The following CDC42BPA variants were observed in gnomAD, a reference collection of about 807,000 sequenced individuals.
The protein encoded by CDC42BPA is CDC42 binding protein kinase alpha.
Under a neutral mutation model 223.5 loss-of-function variants are expected in CDC42BPA, and 80 were observed. That is an observed-to-expected ratio of 0.36 (90% CI 0.30 to 0.43). CDC42BPA has a LOEUF of 0.43. Among genes scored for constraint, CDC42BPA ranks in the 20% least tolerant of loss-of-function variants. The pLI is 1.00. For missense variants in CDC42BPA, 1,743 were observed against 2,099.9 expected (o/e 0.83, Z 3.32); for synonymous variants, 694 against 718.6 (o/e 0.97, Z 0.55).
intron 1 of CDC42BPA, among the ~76,000 whole-genome samples, chr1:227,278,351 A>C (rs1198418375): frequency 6.6e-6 from 1 of 152,106 alleles, no homozygotes; most frequent in African/African-American, 2.4e-5. Flanking sequence ...CAAAACCTGG[A>C]ATTTATGAAA....
intron 6 of CDC42BPA, among the ~76,000 whole-genome samples, chr1:227,148,771 G>GAAAAA (rs1491285386): frequency 0.049 from 378 of 7,700 alleles, 26 homozygotes; most frequent in Admixed American, 0.069. Flanking sequence ...GGTCTCAAAA[G>GAAAAA]CAAAAAAAAA....
Position 227,230,816 on chromosome 1 carries a change from C to CTTTTTTTTTTT in CDC42BPA, c.271-17598_271-17597insAAAAAAAAAAA, listed in dbSNP as rs34787332. Among the ~76,000 whole-genome samples the CTTTTTTTTTTT allele has an allele frequency of 2.5e-3, 135 of 54,028 alleles. 6 individuals are homozygous for CTTTTTTTTTTT. The highest frequency in any genetic ancestry group is 4.0e-3 in the African/African-American group (63 of 15,656). The allele number at this position is 54,028 out of a possible 152,430, so 35.4% of individuals were successfully genotyped here. A position where few individuals can be genotyped will look rare whatever the true frequency, so the allele number is the denominator to read the frequency against. ...ACTGATTTCTATTTCTTTTTTCTTTCTTTCTTTTTTTTTTTTTTTTTTTGA... is the reference window on the plus strand; with the variant it reads ...ACTGATTTCTATTTCTTTTTTCTTTCTTTTTTTTTTTTTTCTTTTTTTTTTTTTTTTTTTGA... On this transcript the variant is annotated intron_variant, in intron 2 of 36. Coordinates refer to ENST00000366766, the MANE Select transcript of CDC42BPA (RefSeq NM_001394014.1).
At chr1:227,037,700 T>G (rs974661496) in intron 24 of CDC42BPA, among the ~76,000 whole-genome samples, 2 of 152,208 alleles carry the variant, frequency 1.3e-5, no homozygotes, top group Non-Finnish European at 2.9e-5. Flanking sequence ...GTATTAGAAT[T>G]TGAGTTAGCA....
intron 2 of CDC42BPA, chr1:227,219,431 A>G (rs1291955009): frequency 6.6e-6 from 1 of 152,204 alleles, no homozygotes; most frequent in East Asian, 1.9e-4. Flanking sequence ...CTGAAAGCAA[A>G]AAGGAAAACC....
At position 227,017,017 on chromosome 1, in the gene CDC42BPA, T is replaced by C. The variant is rs1404302553; in HGVS notation, c.4649A>G (p.Asp1550Gly). Residue 1550 changes from aspartate (D) to glycine (G), a missense_variant, in exon 33 of 37, where the codon GAT becomes GGT. Transcript: ENST00000366766. ...TCTAACCATTTGTTTCCGACTATTA[T>C]CTGATGTTTCAGGTACTACCAGTTC... The part of the protein sequence containing the change: ...GDELVVPETS[D>G]NSRKQMVRNI... 18 of 1,613,126 alleles carry C rather than the reference T, an allele frequency of 1.1e-5. No individual in the cohort carries two copies. The highest frequency in any genetic ancestry group is 1.4e-5 in the Non-Finnish European group (17 of 1,179,292).
intron 2 of CDC42BPA, among the ~76,000 whole-genome samples, chr1:227,252,130 AG>A (rs1178307180): frequency 6.6e-6 from 1 of 152,142 alleles, no homozygotes; most frequent in African/African-American, 2.4e-5. Flanking sequence ...GAAAAAGAAT[AG>A]CAAGATAAAA....
chr1:227,096,903 A>T (rs1416977909), intron 15 of CDC42BPA, among the ~76,000 whole-genome samples: 1 of 152,146 alleles, frequency 6.6e-6, no homozygotes, highest in Non-Finnish European at 1.5e-5. Context: ...CTCCACAAAG[A>T]TGTCTTCCAA....
At chr1:227,074,950 T>C (rs934249903) in intron 17 of CDC42BPA, among the ~76,000 whole-genome samples, 3 of 152,208 alleles carry the variant, frequency 2.0e-5, no homozygotes, top group Non-Finnish European at 2.9e-5. Flanking sequence ...GATACAATTA[T>C]AATTTTAGAC....
intron 5 of CDC42BPA, among the ~76,000 whole-genome samples, chr1:227,188,060 T>C (rs1669118041): frequency 6.6e-6 from 1 of 151,974 alleles, no homozygotes. Flanking sequence ...AACAGAACTA[T>C]GTAAAGAGAG....
intron 1 of CDC42BPA, among the ~76,000 whole-genome samples, chr1:227,279,927 G>C (rs1687736900): frequency 6.6e-6 from 1 of 152,074 alleles, no homozygotes; most frequent in Non-Finnish European, 1.5e-5. Flanking sequence ...ATGTGGTGGT[G>C]TGTGCCTGTA....
At chr1:227,021,995 C>T (rs1359871726) in intron 32 of CDC42BPA, among the ~76,000 whole-genome samples, 1 of 150,298 alleles carries the variant, frequency 6.7e-6, no homozygotes, top group Non-Finnish European at 1.5e-5. Flanking sequence ...ACTCCAGCCT[C>T]GCAACAGAGC....
At chr1:227,111,320 A>G (rs1686874721) in intron 14 of CDC42BPA, among the ~76,000 whole-genome samples, 2 of 152,226 alleles carry the variant, frequency 1.3e-5, no homozygotes, top group South Asian at 4.1e-4. Context: ...TTAGTATGGT[A>G]AAAATATCAC....
intron 1 of CDC42BPA, among the ~76,000 whole-genome samples, chr1:227,288,262 G>C (rs1458517118): frequency 1.3e-5 from 2 of 152,140 alleles, no homozygotes; most frequent in African/African-American, 4.8e-5. Flanking sequence ...GCAATCAGAA[G>C]TGAATGGGAG....
At chr1:227,047,537 T>C (rs1477427218) in intron 23 of CDC42BPA, among the ~76,000 whole-genome samples, 1 of 152,142 alleles carries the variant, frequency 6.6e-6, no homozygotes, top group Non-Finnish European at 1.5e-5. Flanking sequence ...AATACTTCAG[T>C]CATATTTATG....
chr1:227,305,294 G>A (rs937939913), intron 1 of CDC42BPA, among the ~76,000 whole-genome samples: 1 of 152,100 alleles, frequency 6.6e-6, no homozygotes, highest in African/African-American at 2.4e-5. Flanking sequence ...TGTAATCCCA[G>A]CACTTTGGGA....
chr1:227,010,385 T>A (rs773282661), intron 34 of CDC42BPA, among the ~76,000 whole-genome samples: 4 of 152,214 alleles, frequency 2.6e-5, no homozygotes, highest in African/African-American at 7.2e-5. Flanking sequence ...ACTTTTCACT[T>A]TGGAGATTTT....
intron 1 of CDC42BPA, among the ~76,000 whole-genome samples, chr1:227,308,509 CAAA>C (rs34849679): frequency 3.3e-5 from 3 of 89,780 alleles, no homozygotes; most frequent in Admixed American, 1.2e-4. Flanking sequence ...GACTGTATCT[CAAA>C]AAAAAAAAAA....
At chr1:227,092,039 T>C (rs777302751) in intron 15 of CDC42BPA, 48 bp from the exon 16 acceptor site, 1 of 997,006 alleles carries the variant, frequency 1.0e-6, no homozygotes, top group Non-Finnish European at 1.5e-6. Context: ...TAAAGGTCAT[T>C]TGAAAACTTG....
chr1:227,025,503 A>T (rs1342452477), intron 31 of CDC42BPA, among the ~76,000 whole-genome samples: 1 of 152,114 alleles, frequency 6.6e-6, no homozygotes, highest in Non-Finnish European at 1.5e-5. Flanking sequence ...ATTGCTCTTC[A>T]TTTTTGCAAA....
Sources: gnomAD v4.1 joint callset for allele counts (sites outside exome capture counted in the v4.1 genomes callset) on GRCh38, gnomAD v4.1.1 for gene constraint, MANE v1.5 for transcripts, NCBI Gene and HGNC (gene_info 2026-07-23, HGNC 2026-07-21) for gene names.